CNTN6: variants seen among roughly 807,000 people sequenced by gnomAD.
CNTN6 encodes the protein contactin-6.
Under a neutral mutation model 122.8 loss-of-function variants are expected in CNTN6, and 137 were observed. That is an observed-to-expected ratio of 1.12 (90% CI 0.97 to 1.29). CNTN6 has a LOEUF of 1.29. Among genes scored for constraint, CNTN6 ranks in the 50% most tolerant of loss-of-function variants. The pLI is 0.00. For synonymous variants in CNTN6, 570 were observed against 426.0 expected (o/e 1.34, Z -4.16); for missense variants, 1,634 against 1,223.4 (o/e 1.34, Z -5.01).
chr3:1,124,133 T>C (rs2092068145), intron 1 of CNTN6, among the ~76,000 whole-genome samples: 1 of 151,908 alleles, frequency 6.6e-6, no homozygotes, highest in Admixed American at 6.6e-5. Context: ...TATTTTTGAT[T>C]GTCATAACTG....
intron 2 of CNTN6, among the ~76,000 whole-genome samples, chr3:1,206,907 G>T (rs955635734): frequency 1.3e-5 from 2 of 152,088 alleles, no homozygotes; most frequent in African/African-American, 4.8e-5. Context: ...ATTGGCTATT[G>T]TTCCTCAGTC....
chr3:1,307,675 T>A (rs1176728541), intron 7 of CNTN6, among the ~76,000 whole-genome samples: 2 of 152,188 alleles, frequency 1.3e-5, no homozygotes, highest in Non-Finnish European at 2.9e-5. Flanking sequence ...AGTCTTCTCT[T>A]GTCTGTAGCA....
intron 19 of CNTN6, 130 bp downstream of exon 19, chr3:1,383,538 A>G: frequency 1.4e-6 from 1 of 695,168 alleles, no homozygotes; most frequent in East Asian, 2.7e-5. Flanking sequence ...TAAAGCAGAG[A>G]ATGAAGTTGA....
chr3:1,388,386 G>T (rs1238148871), intron 20 of CNTN6, among the ~76,000 whole-genome samples: 1 of 149,702 alleles, frequency 6.7e-6, no homozygotes, highest in Non-Finnish European at 1.5e-5. Flanking sequence ...AAACAGAAAG[G>T]ACATCCACAC....
intron 1 of CNTN6, among the ~76,000 whole-genome samples, chr3:1,130,224 A>G (rs774584168): frequency 5.9e-5 from 9 of 152,054 alleles, no homozygotes; most frequent in Non-Finnish European, 1.0e-4. Context: ...TATCTAAAAC[A>G]TGGCAGGGGT....
At chr3:1,228,130 T>C (rs1406990036) in intron 4 of CNTN6, 137 bp downstream of exon 4, 1 of 738,252 alleles carries the variant, frequency 1.4e-6, no homozygotes, top group Non-Finnish European at 2.1e-6. Context: ...ACAATGTTCA[T>C]TTTGTGAATC....
At chr3:1,094,399 GTTTC>G (rs915937587) in intron 1 of CNTN6, among the ~76,000 whole-genome samples, 2 of 152,000 alleles carry the variant, frequency 1.3e-5, no homozygotes, top group African/African-American at 2.4e-5. Context: ...TTTCAGTGGG[GTTTC>G]TTTTTCTTTT....
chr3:1,398,273 C>T (rs1041488019), intron 20 of CNTN6, among the ~76,000 whole-genome samples: 3 of 152,086 alleles, frequency 2.0e-5, no homozygotes, highest in African/African-American at 4.8e-5. Context: ...AGGTGATGGC[C>T]TTCTAAAGCA....
intron 1 of CNTN6, among the ~76,000 whole-genome samples, chr3:1,126,004 A>G (rs2092145770): frequency 6.6e-6 from 1 of 151,764 alleles, no homozygotes; most frequent in Non-Finnish European, 1.5e-5. Flanking sequence ...CTCTCTTTCC[A>G]CCGTTAACTA....
At chr3:1,297,844 C>T in intron 6 of CNTN6, 45 bp from the exon 7 acceptor site, 2 of 1,474,502 alleles carry the variant, frequency 1.4e-6, no homozygotes, top group Non-Finnish European at 1.9e-6. Context: ...TCATAGAAAA[C>T]TTCTATTCTC....
At chr3:1,336,187 A>G (rs898028686) in intron 11 of CNTN6, among the ~76,000 whole-genome samples, 1 of 151,628 alleles carries the variant, frequency 6.6e-6, no homozygotes, top group Non-Finnish European at 1.5e-5. Flanking sequence ...AAAATAAAAT[A>G]AAATACAGCT....
At chr3:1,250,776 C>G (rs915740397) in intron 4 of CNTN6, among the ~76,000 whole-genome samples, 5 of 152,204 alleles carry the variant, frequency 3.3e-5, no homozygotes, top group Non-Finnish European at 5.9e-5. Flanking sequence ...GTCCCCCTGA[C>G]TGTGTTGCTT....
intron 11 of CNTN6, among the ~76,000 whole-genome samples, chr3:1,342,615 C>G (rs1392500172): frequency 2.6e-5 from 4 of 151,988 alleles, no homozygotes; most frequent in African/African-American, 9.7e-5. Flanking sequence ...CCCAAAGGAA[C>G]ACTATTATTT....
chr3:1,331,672 C>T (rs1702309405), intron 11 of CNTN6, among the ~76,000 whole-genome samples: 2 of 151,890 alleles, frequency 1.3e-5, no homozygotes, highest in South Asian at 4.1e-4. Context: ...TACTGAGGGT[C>T]TGGACAAATT....
In CNTN6 at chr3:1,385,674, G is replaced by A. The variant is rs777207776; in HGVS notation, c.2581G>A (p.Val861Ile). 4 of 1,614,008 alleles carry A rather than the reference G, an allele frequency of 2.5e-6. No homozygotes were observed. The highest frequency in any genetic ancestry group is 2.2e-5 in the East Asian group (1 of 44,872). Residue 861 changes from valine to isoleucine, a missense_variant, in exon 20 of 23, where the codon GTC becomes ATC. Val to Ile is a conservative substitution (Grantham distance 29). Transcript: ENST00000446702. ...MIGKIRVSGN[V>I]TTKNITGLKA... ...AGGTAAAATTAGAGTCAGTGGAAAT[G>A]TCACAACCAAAAACATCACGGGGCT...
chr3:1,220,911 G>T, intron 3 of CNTN6, 98 bp downstream of exon 3: 2 of 1,313,730 alleles, frequency 1.5e-6, no homozygotes, highest in Non-Finnish European at 2.1e-6. Context: ...CTAATTTGTA[G>T]TGTACAGCTC....
intron 1 of CNTN6, among the ~76,000 whole-genome samples, chr3:1,119,682 A>AC (rs1186072900): frequency 3.3e-5 from 5 of 151,204 alleles, no homozygotes; most frequent in Middle Eastern, 3.4e-3. Context: ...ACTTTCCATC[A>AC]CCCCCCTTAG....
rs188257607 is a variant in CNTN6, at chr3:1,168,128, G to A, written c.55+20065G>A. 7.1e-3 allele frequency among the ~76,000 whole-genome samples: 1,085 copies of A among 151,904 alleles called. 10 individuals carry two copies. Among genetic ancestry groups the A allele is most frequent in the Non-Finnish European group, 0.01 (698 of 67,956 alleles). On this transcript the variant is annotated intron_variant, in intron 2 of 22. Coordinates refer to ENST00000446702, the MANE Select transcript of CNTN6 (RefSeq NM_001289080.2). Reference sequence around the variant, plus strand: ...TCCCCATGTTGGCCAGGTTGGTCTCGATCTCCTGACCTCAGGTGATCTGCC... The same window carrying A: ...TCCCCATGTTGGCCAGGTTGGTCTCAATCTCCTGACCTCAGGTGATCTGCC...
chr3:1,100,525 G>A (rs999974901), intron 1 of CNTN6, among the ~76,000 whole-genome samples: 5 of 152,062 alleles, frequency 3.3e-5, no homozygotes. Context: ...GCCTCTGCAA[G>A]CTCCTAAATC....
Sources: gnomAD v4.1 joint callset for allele counts (sites outside exome capture counted in the v4.1 genomes callset) on GRCh38, gnomAD v4.1.1 for gene constraint, MANE v1.5 for transcripts, NCBI Gene and HGNC (gene_info 2026-07-23, HGNC 2026-07-21) for gene names.